Variants in YES1 observed in about 807,000 individuals in gnomAD.
YES1 encodes tyrosine-protein kinase Yes.
A neutral mutation model predicts 70.4 loss-of-function variants in YES1; 39 were observed. That is an observed-to-expected ratio of 0.55 (90% CI 0.43 to 0.72). YES1 has a LOEUF of 0.72. Among genes scored for constraint, YES1 ranks in the 30% least tolerant of loss-of-function variants. YES1 has a pLI of 0.00. For synonymous variants in YES1, 198 were observed against 218.6 expected, an observed-to-expected ratio of 0.91 and a Z score of 0.83; for missense variants, 495 against 644.8, an observed-to-expected ratio of 0.77 and a Z score of 2.52.
chr18:743,555 A>C, intron 6 of YES1, 140 bp from the exon 7 acceptor site: 2 of 636,878 alleles, frequency 3.1e-6, no homozygotes, highest in Non-Finnish European at 4.9e-6. Context: ...ACAAAACAAA[A>C]AGGGAGTTGT....
At chr18:751,590 T>C in intron 3 of YES1, 115 bp downstream of exon 3, 1 of 681,368 alleles carries the variant, frequency 1.5e-6, no homozygotes, top group East Asian at 2.5e-5. Context: ...TTAAACACAG[T>C]GGGCAGCCCA....
chr18:771,869 C>T (rs1256772936), intron 1 of YES1, among the ~76,000 whole-genome samples: 2 of 151,948 alleles, frequency 1.3e-5, no homozygotes, highest in Non-Finnish European at 2.9e-5. Context: ...TATGTATCTG[C>T]TTGGTAAGTC....
intron 1 of YES1, among the ~76,000 whole-genome samples, chr18:779,546 G>A (rs1372935764): frequency 6.6e-6 from 1 of 152,078 alleles, no homozygotes; most frequent in Non-Finnish European, 1.5e-5. Context: ...TCTGAATTAT[G>A]CAGATCCCAG....
intron 3 of YES1, among the ~76,000 whole-genome samples, chr18:750,854 GA>G (rs1173763233): frequency 6.6e-6 from 1 of 152,102 alleles, no homozygotes; most frequent in African/African-American, 2.4e-5. Flanking sequence ...CCAGAAAAAA[GA>G]AACAGTATGT....
chr18:749,232 G>A (rs994764714), intron 3 of YES1, among the ~76,000 whole-genome samples: 2 of 152,022 alleles, frequency 1.3e-5, no homozygotes, highest in Non-Finnish European at 2.9e-5. Flanking sequence ...GGTGGCTTAC[G>A]CCTGCAATCC....
intron 1 of YES1, among the ~76,000 whole-genome samples, chr18:759,988 C>T (rs1467865356): frequency 6.6e-6 from 1 of 151,650 alleles, no homozygotes; most frequent in African/African-American, 2.4e-5. Context: ...TGATAGTTTG[C>T]TCAGAATGAT....
intron 1 of YES1, among the ~76,000 whole-genome samples, chr18:765,016 G>A (rs1904808346): frequency 1.3e-5 from 2 of 151,904 alleles, no homozygotes; most frequent in African/African-American, 4.8e-5. Context: ...TTACAGGCGT[G>A]AGCCACCTCG....
chr18:807,286 A>G (rs977418181), intron 1 of YES1, among the ~76,000 whole-genome samples: 1 of 151,148 alleles, frequency 6.6e-6, no homozygotes, highest in African/African-American at 2.4e-5. Flanking sequence ...GTGAGCCAAG[A>G]TCGTGCCATT....
chr18:751,335 CT>C (rs201559016), intron 3 of YES1, among the ~76,000 whole-genome samples: 2 of 150,850 alleles, frequency 1.3e-5, no homozygotes, highest in Admixed American at 6.6e-5. Context: ...TCTCCCCCTC[CT>C]TTTTTTTTAA....
chr18:728,436 T>C (rs1267551984), intron 11 of YES1, among the ~76,000 whole-genome samples: 1 of 152,244 alleles, frequency 6.6e-6, no homozygotes. Flanking sequence ...TGATGGTATT[T>C]TGACTGTGAC....
chr18:780,251 C>G (rs1027059859), intron 1 of YES1, among the ~76,000 whole-genome samples: 1 of 151,976 alleles, frequency 6.6e-6, no homozygotes, highest in Non-Finnish European at 1.5e-5. Flanking sequence ...AACAAAAACA[C>G]AAACTTAATC....
intron 2 of YES1, among the ~76,000 whole-genome samples, chr18:753,236 T>C (rs558789688): frequency 6.6e-6 from 1 of 152,308 alleles, no homozygotes; most frequent in South Asian, 2.1e-4. Context: ...GAAATATATA[T>C]ACATTGTGGA....
chr18:772,136 C>T (rs1598924031), intron 1 of YES1, among the ~76,000 whole-genome samples: 2 of 151,818 alleles, frequency 1.3e-5, no homozygotes, highest in East Asian at 3.9e-4. Flanking sequence ...TCAAGTGATG[C>T]TCCTGCCTCA....
At chr18:759,224 T>C (rs1011646531) in intron 1 of YES1, among the ~76,000 whole-genome samples, 10 of 152,320 alleles carry the variant, frequency 6.6e-5, no homozygotes, top group African/African-American at 2.4e-4. Flanking sequence ...CCCAACACTT[T>C]GGGAGGCCAA....
intron 2 of YES1, among the ~76,000 whole-genome samples, chr18:755,633 T>C (rs1157386315): frequency 2.6e-5 from 4 of 152,144 alleles, no homozygotes; most frequent in African/African-American, 9.7e-5. Flanking sequence ...GGATTTATCT[T>C]TTGCACCCAC....
chr18:725,142 TAC>T (rs1354810543), intron 11 of YES1, among the ~76,000 whole-genome samples: 1 of 152,216 alleles, frequency 6.6e-6, no homozygotes, highest in African/African-American at 2.4e-5. Context: ...TTCAAGATAT[TAC>T]ACATAGTTCC....
Position 754,775 on chromosome 18 carries a change from A to T in YES1, c.271+1782T>A, listed in dbSNP as rs570816542. On this transcript the variant is annotated intron_variant, in intron 2 of 11. Transcript: ENST00000314574. ...TTCTTGAGATAGCTTTCCCTGATTA[A>T]CTGCAGGGCCTTCACCATCATTCTA... Among the ~76,000 whole-genome samples, 5 of 152,104 alleles carry T rather than the reference A, an allele frequency of 3.3e-5. No homozygotes were observed. The East Asian group carries it at 9.7e-4, about 29-fold the overall frequency.
intron 1 of YES1, among the ~76,000 whole-genome samples, chr18:772,456 G>A (rs1460325178): frequency 6.6e-6 from 1 of 151,070 alleles, no homozygotes; most frequent in Admixed American, 6.6e-5. Flanking sequence ...TTTTGAGATA[G>A]AGTCTCACTC....
chr18:786,782 C>T (rs1568214421), intron 1 of YES1, among the ~76,000 whole-genome samples: 1 of 152,028 alleles, frequency 6.6e-6, no homozygotes. Context: ...ATATCTCTAC[C>T]ATAAAGTCAA....
Sources: allele counts gnomAD v4.1 joint callset (sites outside exome capture counted in the v4.1 genomes callset), GRCh38; gene constraint gnomAD v4.1.1; transcripts MANE v1.5; gene names NCBI Gene and HGNC (gene_info 2026-07-23, HGNC 2026-07-21).